The following CDKL2 variants were observed in gnomAD, a reference collection of about 807,000 sequenced individuals.
CDKL2 encodes the protein cyclin-dependent kinase-like 2.
A neutral mutation model predicts 63.9 loss-of-function variants in CDKL2; 64 were observed. That is an observed-to-expected ratio of 1.00 (90% CI 0.82 to 1.23). The LOEUF is 1.23. CDKL2 is among the 50% of genes most tolerant of loss of function. The probability of loss-of-function intolerance (pLI) is 0.00; values close to 1 mark genes in which losing one functional copy is unlikely to be tolerated. For missense variants in CDKL2, 656 were observed against 668.0 expected (o/e 0.98, Z 0.20); for synonymous variants, 211 against 229.2 (o/e 0.92, Z 0.72).
intron 1 of CDKL2, among the ~76,000 whole-genome samples, chr4:75,628,562 C>A (rs1730540092): frequency 6.6e-6 from 1 of 152,132 alleles, no homozygotes; most frequent in Non-Finnish European, 1.5e-5. Flanking sequence ...AGTCCAAATA[C>A]AGATAGATTT....
intron 11 of CDKL2, 88 bp from the exon 12 acceptor site, chr4:75,592,013 T>G: frequency 1.5e-6 from 2 of 1,300,116 alleles, no homozygotes; most frequent in Non-Finnish European, 2.1e-6. Flanking sequence ...TTCCTCAGTA[T>G]GTACTTATTA....
chr4:75,600,409 A>G (rs527378248), intron 6 of CDKL2, 40 bp from the exon 7 acceptor site: 13 of 1,225,244 alleles, frequency 1.1e-5, no homozygotes, highest in Admixed American at 2.1e-5. Flanking sequence ...ATCAAGAAAA[A>G]CTACCTACAT....
rs1223480617 is a variant in CDKL2 at position 75,577,246 on chromosome 4, A to G, written c.*1956T>C. ...CTTGCAAGAGAAACTAAATAACCTTAAACTTAAAAAAAGGATCATTTTGGT... is the reference window on the plus strand; with the variant it reads ...CTTGCAAGAGAAACTAAATAACCTTGAACTTAAAAAAAGGATCATTTTGGT... On this transcript the variant is annotated 3_prime_UTR_variant, in exon 14 of 14. Coordinates refer to ENST00000307465, the MANE Select transcript of CDKL2 (RefSeq NM_001330724.2). 6.6e-6 allele frequency among the ~76,000 whole-genome samples: 1 copy of G among 152,130 alleles called. No individual in the cohort carries two copies. The highest frequency in any genetic ancestry group is 2.4e-5 in the African/African-American group (1 of 41,430).
intron 2 of CDKL2, among the ~76,000 whole-genome samples, chr4:75,624,331 T>C (rs557839973): frequency 1.3e-5 from 2 of 149,270 alleles, no homozygotes; most frequent in East Asian, 2.0e-4. Context: ...GTAGGAGGAT[T>C]ACTTTAGCTC....
In CDKL2 at chr4:75,625,841, G is replaced by A. The variant is rs181495836; in HGVS notation, c.148C>T (p.Arg50Ter). 5.7e-5 allele frequency: 92 copies of A among 1,610,550 alleles called. 1 individual carries two copies. Among genetic ancestry groups the A allele is most frequent in the East Asian group, 4.5e-4 (20 of 44,726 alleles). ...DDKMVKKIAM[R>*]EIKLLKQLRH... ...CTCACCTTTAGTAACTTGATTTCTCGCATTGCAATCTTTTTAACCATTTTG... is the reference window on the plus strand; with the variant it reads ...CTCACCTTTAGTAACTTGATTTCTCACATTGCAATCTTTTTAACCATTTTG... Residue 50 changes from arginine to a stop codon, truncating the protein, a stop_gained, in exon 2 of 14, where the codon CGA becomes TGA. Transcript: ENST00000307465. LOFTEE classifies it high-confidence loss of function.
At chr4:75,617,066 T>G (rs953005843) in intron 2 of CDKL2, among the ~76,000 whole-genome samples, 3 of 152,132 alleles carry the variant, frequency 2.0e-5, no homozygotes, top group Non-Finnish European at 4.4e-5. Flanking sequence ...TTATTAATAA[T>G]CTGAAACAAG....
At chr4:75,618,116 A>AT in intron 2 of CDKL2, among the ~76,000 whole-genome samples, 1 of 150,924 alleles carries the variant, frequency 6.6e-6, no homozygotes, top group Admixed American at 6.6e-5. Flanking sequence ...AAAAAAAAAA[A>AT]AAAGCACAGA....
At position 75,605,531 on chromosome 4, in the gene CDKL2, T is replaced by C. The variant is rs751810790; in HGVS notation, c.646A>G (p.Met216Val). 6 of 1,589,216 alleles carry C rather than the reference T, an allele frequency of 3.8e-6. No homozygotes were observed. In the Admixed American group the frequency reaches 6.7e-5, roughly 18 times the overall value. The change falls in exon 5 of 14, where the codon ATG becomes GTG. Residue 216 changes from methionine to valine, a missense_variant. Physicochemically the swap from Met to Val is conservative, Grantham distance 21 (BLOSUM62 1). Transcript: ENST00000307465. The part of the protein sequence containing the change: ...SDIDQLYHIM[M>V]CLGNLIPRHQ... The stretch of plus-strand genomic sequence containing the variant: ...AGATGTGTAACCTTACCTAAACACA[T>C]CATAATATGATATAGCTGATCAATA...
At chr4:75,621,987 C>A (rs994984325) in intron 2 of CDKL2, among the ~76,000 whole-genome samples, 5 of 152,048 alleles carry the variant, frequency 3.3e-5, no homozygotes, top group Non-Finnish European at 7.4e-5. Flanking sequence ...ACACATATAT[C>A]TGATGGGTGG....
intron 10 of CDKL2, among the ~76,000 whole-genome samples, chr4:75,594,905 G>C (rs1728851364): frequency 1.3e-5 from 2 of 152,260 alleles, no homozygotes; most frequent in South Asian, 4.1e-4. Context: ...GGCACTTATA[G>C]ACCCTATAAG....
chr4:75,627,498 T>C (rs550927380), intron 1 of CDKL2, among the ~76,000 whole-genome samples: 5 of 152,086 alleles, frequency 3.3e-5, no homozygotes, highest in African/African-American at 9.6e-5. Flanking sequence ...CTCAAACTCC[T>C]GACCTCAAGT....
At position 75,616,138 on chromosome 4, in the gene CDKL2, T is replaced by C. The variant is rs527849745; in HGVS notation, c.169-1689A>G. Among the ~76,000 whole-genome samples the C allele has an allele frequency of 5.9e-5, 9 of 152,126 alleles. No homozygotes were observed. In the East Asian group the frequency reaches 7.7e-4, roughly 13 times the overall value. On this transcript the variant is annotated intron_variant, in intron 2 of 13. Transcript: ENST00000307465. The stretch of plus-strand genomic sequence containing the variant: ...GTAACTGTGTTATTTAACACTATAG[T>C]TATCAAGGTAAGCAATATGGCTAGG...
intron 6 of CDKL2, among the ~76,000 whole-genome samples, chr4:75,603,447 G>C (rs1041165630): frequency 6.6e-6 from 1 of 151,230 alleles, no homozygotes; most frequent in Non-Finnish European, 1.5e-5. Flanking sequence ...AGATCAACTA[G>C]AGGCCAGGGC....
At chr4:75,598,592 T>A (rs2868599) in intron 7 of CDKL2, among the ~76,000 whole-genome samples, 59,322 of 145,762 alleles carry the variant, frequency 0.41, 12,560 homozygotes, top group African/African-American at 0.52. Flanking sequence ...TTTTTTTTTT[T>A]AAAAAAAAAA....
At chr4:75,627,083 G>C (rs1198950890) in intron 1 of CDKL2, among the ~76,000 whole-genome samples, 3 of 151,166 alleles carry the variant, frequency 2.0e-5, no homozygotes, top group Admixed American at 6.6e-5. Context: ...CACCCCTATA[G>C]TCCCAGCTAC....
At chr4:75,581,735 A>G (rs1266789913) in intron 13 of CDKL2, 75 bp downstream of exon 13, 3 of 730,046 alleles carry the variant, frequency 4.1e-6, no homozygotes, top group Non-Finnish European at 7.1e-6. Context: ...TCAGCTGAAA[A>G]ATTGGTATTC....
intron 13 of CDKL2, among the ~76,000 whole-genome samples, chr4:75,581,401 A>G (rs1728254441): frequency 6.6e-6 from 1 of 152,232 alleles, no homozygotes; most frequent in African/African-American, 2.4e-5. Context: ...GTAAACTGTG[A>G]TGTTAGCATA....
At chr4:75,593,186 C>T (rs942501116) in intron 10 of CDKL2, among the ~76,000 whole-genome samples, 1 of 151,924 alleles carries the variant, frequency 6.6e-6, no homozygotes, top group African/African-American at 2.4e-5. Context: ...ATAGAACAAG[C>T]GCTAAGGCTA....
intron 2 of CDKL2, among the ~76,000 whole-genome samples, chr4:75,616,550 A>G (rs28602378): frequency 0.019 from 2,862 of 151,860 alleles, 31 homozygotes; most frequent in South Asian, 0.046. Flanking sequence ...GGCCACCACC[A>G]TGAAGTAATG....
Sources: allele counts gnomAD v4.1 joint callset (sites outside exome capture counted in the v4.1 genomes callset), GRCh38; gene constraint gnomAD v4.1.1; transcripts MANE v1.5; gene names NCBI Gene and HGNC (gene_info 2026-07-23, HGNC 2026-07-21).